The following COL4A6 variants were observed in gnomAD, a reference collection of about 807,000 sequenced individuals.
The protein encoded by COL4A6 is collagen type IV alpha 6 chain, also known as collagen alpha-6(IV) chain.
A neutral mutation model predicts 126.7 loss-of-function variants in COL4A6; 59 were observed. The observed-to-expected ratio is 0.47, with a 90% CI of 0.38 to 0.58. COL4A6 has a LOEUF of 0.58. Among genes scored for constraint, COL4A6 ranks in the 20% least tolerant of loss-of-function variants. The pLI is 0.00. For missense variants in COL4A6, 1,285 were observed against 1,337.3 expected, an observed-to-expected ratio of 0.96 and a Z score of 0.61; for synonymous variants, 547 against 496.6, an observed-to-expected ratio of 1.10 and a Z score of -1.35.
At chrX:108,305,629 C>T (rs762549952) in intron 3 of COL4A6, among the ~76,000 whole-genome samples, 1 of 111,478 alleles carries the variant, frequency 9.0e-6, no homozygotes, top group Non-Finnish European at 1.9e-5. Context: ...TTATATGAGC[C>T]TAGATTGGAG....
intron 22 of COL4A6, 101 bp from the exon 23 acceptor site, chrX:108,187,380 G>T: frequency 1.4e-6 from 1 of 694,506 alleles, no homozygotes; most frequent in South Asian, 5.2e-5. Context: ...CCAATGCTTT[G>T]TGTTTTGTTA....
chrX:108,330,424 T>G (rs927515316), intron 2 of COL4A6, among the ~76,000 whole-genome samples: 20 of 111,750 alleles, frequency 1.8e-4, no homozygotes, highest in African/African-American at 6.5e-4. Context: ...CTAAATGACT[T>G]CAGTGCAGGG....
At chrX:108,188,766 A>G (rs991277078) in intron 20 of COL4A6, 89 bp from the exon 21 acceptor site, 13 of 902,987 alleles carry the variant, frequency 1.4e-5, no homozygotes, top group African/African-American at 4.1e-5. Context: ...GACTTGAACA[A>G]CTCCATAGAG....
In COL4A6 at chrX:108,210,009, G is replaced by A; in HGVS notation, c.511-5C>T. On this transcript the variant is annotated splice_region_variant and splice_polypyrimidine_tract_variant and intron_variant, in intron 7 of 44. Coordinates refer to ENST00000334504, the MANE Select transcript of COL4A6 (RefSeq NM_033641.4). Reference sequence around the variant, plus strand: ...TCCAGGCAGCCCAGGATCCCCCTGAGAAACAAAGGCAGGACACTGAAGAGT... The same window carrying A: ...TCCAGGCAGCCCAGGATCCCCCTGAAAAACAAAGGCAGGACACTGAAGAGT... The A allele has an allele frequency of 1.7e-6, 2 of 1,208,757 alleles. No individual in the cohort carries two copies. Among genetic ancestry groups the A allele is most frequent in the Non-Finnish European group, 2.2e-6 (2 of 893,541 alleles).
intron 3 of COL4A6, among the ~76,000 whole-genome samples, chrX:108,285,601 A>T (rs1238378650): frequency 9.0e-6 from 1 of 111,508 alleles, no homozygotes; most frequent in Non-Finnish European, 1.9e-5. Context: ...GAGCTAGTGC[A>T]AAATGCTCTG....
Position 108,241,791 on chromosome X carries a change from T to TA in COL4A6, c.145-20418dup, listed in dbSNP as rs1269097489. Among the ~76,000 whole-genome samples the TA allele has an allele frequency of 3.7e-5, 4 of 109,049 alleles. No individual in the cohort carries two copies. The East Asian group carries it at 1.1e-3, about 31-fold the overall frequency. 94.7% of individuals were successfully genotyped at this position (109,049 alleles called of 115,157 possible). A position where few individuals can be genotyped will look rare whatever the true frequency, so the allele number is the denominator to read the frequency against. ...TGGGTCAAAATAGAATCCATTTTCT[T>TA]AAAAAAACTTTCTATTTTGGAATAA... On this transcript the variant is annotated intron_variant, in intron 3 of 44. Coordinates refer to ENST00000334504, the MANE Select transcript of COL4A6 (RefSeq NM_033641.4).
At chrX:108,436,464 T>A (rs2064268906) in intron 2 of COL4A6, among the ~76,000 whole-genome samples, 1 of 112,975 alleles carries the variant, frequency 8.9e-6, no homozygotes, top group South Asian at 3.6e-4. Context: ...GTACACTGAA[T>A]AAAATCAGCC....
intron 3 of COL4A6, among the ~76,000 whole-genome samples, chrX:108,239,642 A>C (rs143621405): frequency 9.0e-6 from 1 of 111,443 alleles, no homozygotes; most frequent in Non-Finnish European, 1.9e-5. Flanking sequence ...AAGCTCTGTC[A>C]CATGATGATC....
At chrX:108,358,706 T>C (rs1285941319) in intron 2 of COL4A6, among the ~76,000 whole-genome samples, 1 of 112,338 alleles carries the variant, frequency 8.9e-6, no homozygotes, top group Non-Finnish European at 1.9e-5. Context: ...ATAATGACTT[T>C]TAAAAATTTT....
intron 2 of COL4A6, among the ~76,000 whole-genome samples, chrX:108,352,865 G>A: frequency 8.9e-6 from 1 of 112,087 alleles, no homozygotes; most frequent in Middle Eastern, 4.6e-3. Context: ...AAGGTAGCAG[G>A]CAATTTTGCC....
Position 108,170,624 on chromosome X carries a change from A to G in COL4A6, c.3478T>C (p.Leu1160=), listed in dbSNP as rs1421164068. 2 of 1,202,196 alleles carry G rather than the reference A, an allele frequency of 1.7e-6. No homozygotes were observed. Among genetic ancestry groups the G allele is most frequent in the Non-Finnish European group, 2.2e-6 (2 of 891,586 alleles). Residue 1160 remains leucine, a synonymous_variant, in exon 35 of 45, where the codon TTA becomes CTA. Transcript: ENST00000334504. ...GAIGPLGSPG[L]IGPKGFPGFP... is the part of the protein sequence containing the mutation. ...ATACACATACCTTTGGGTCCTATTA[A>G]TCCGGGGGATCCTAGAGGCCCAATT...
At chrX:108,425,824 C>T (rs1018890821) in intron 2 of COL4A6, among the ~76,000 whole-genome samples, 7 of 110,552 alleles carry the variant, frequency 6.3e-5, no homozygotes, top group African/African-American at 2.3e-4. Context: ...TTCTTACTGA[C>T]TTTATAAATT....
Position 108,203,234 on chromosome X carries a change from G to A in COL4A6, c.781-253C>T, listed in dbSNP as rs914384423. On this transcript the variant is annotated intron_variant, in intron 12 of 44. Transcript: ENST00000334504. ...TCTAAAACAGAATGTCAAATACTGA[G>A]GCTAATTGGGAGACAGAAAGGATGA... 2.7e-5 allele frequency among the ~76,000 whole-genome samples: 3 copies of A among 112,011 alleles called. No homozygotes were observed. In the East Asian group the frequency reaches 8.4e-4, roughly 32 times the overall value.
rs994505593 is a variant in COL4A6, at chrX:108,205,697, T to C, written c.610-2A>G. On this transcript the variant is annotated splice_acceptor_variant, in intron 9 of 44. Coordinates refer to ENST00000334504, the MANE Select transcript of COL4A6 (RefSeq NM_033641.4). LOFTEE classifies it high-confidence loss of function. ...AGGACCAGGAGGCCCTGGAGGACCC[T>C]AGATTTTTTTTAAAAATAAGAAAGA... 2 of 1,203,269 alleles carry C rather than the reference T, an allele frequency of 1.7e-6. No homozygotes were observed. The highest frequency in any genetic ancestry group is 3.5e-5 in the African/African-American group (2 of 57,253).
intron 3 of COL4A6, among the ~76,000 whole-genome samples, chrX:108,301,759 A>G (rs982618308): frequency 9.0e-6 from 1 of 110,811 alleles, no homozygotes; most frequent in Non-Finnish European, 1.9e-5. Context: ...CATGCCAGGA[A>G]AGCCTTTTGT....
intron 27 of COL4A6, among the ~76,000 whole-genome samples, chrX:108,178,440 G>A (rs1026556911): frequency 8.9e-6 from 1 of 112,590 alleles, no homozygotes; most frequent in Non-Finnish European, 1.9e-5. Flanking sequence ...CTGGGCATGA[G>A]GCCATGGAGG....
intron 7 of COL4A6, among the ~76,000 whole-genome samples, chrX:108,210,789 G>A (rs1349067354): frequency 9.0e-6 from 1 of 111,401 alleles, no homozygotes; most frequent in African/African-American, 3.3e-5. Flanking sequence ...AGAATCATGA[G>A]GTCCTTTCCA....
chrX:108,180,673 G>T, intron 24 of COL4A6, 51 bp from the exon 25 acceptor site: 1 of 1,002,128 alleles, frequency 1.0e-6, no homozygotes, highest in Non-Finnish European at 1.4e-6. Context: ...GGTGTGCTAG[G>T]TATGATTTGT....
rs1178428432 is a variant in COL4A6 at position 108,170,616 on chromosome X, T to C, written c.3486A>G (p.Gly1162=). ...GCTCCCAAATACACATACCTTTGGG[T>C]CCTATTAATCCGGGGGATCCTAGAG... ...IGPLGSPGLI[G]PKGFPGFPGL... Residue 1162 remains glycine (G), a synonymous_variant, in exon 35 of 45, where the codon GGA becomes GGG. Coordinates refer to ENST00000334504, the MANE Select transcript of COL4A6 (RefSeq NM_033641.4). 3 of 1,197,695 alleles carry C rather than the reference T, an allele frequency of 2.5e-6. No homozygotes were observed. The Admixed American group carries it at 6.9e-5, about 28-fold the overall frequency.
Sources: allele counts gnomAD v4.1 joint callset (sites outside exome capture counted in the v4.1 genomes callset), GRCh38; gene constraint gnomAD v4.1.1; transcripts MANE v1.5; gene names NCBI Gene and HGNC (gene_info 2026-07-23, HGNC 2026-07-21).